CADM3: variants seen among roughly 807,000 people sequenced by gnomAD.
CADM3 encodes the protein TSLC1-like 1.
Under a neutral mutation model 44.9 loss-of-function variants are expected in CADM3, and 11 were observed. The observed-to-expected ratio is 0.25, with a 90% confidence interval of 0.15 to 0.41. CADM3 has a LOEUF of 0.41. Ranked by LOEUF, CADM3 falls within the 10% of genes least tolerant of loss-of-function variation. CADM3 has a pLI of 1.00. For missense variants in CADM3, 426 were observed against 512.0 expected, an observed-to-expected ratio of 0.83 and a Z score of 1.62; for synonymous variants, 207 against 205.2, an observed-to-expected ratio of 1.01 and a Z score of -0.08.
At chr1:159,174,434 GT>G (rs1648943567) in intron 1 of CADM3, among the ~76,000 whole-genome samples, 3 of 152,186 alleles carry the variant, frequency 2.0e-5, no homozygotes, top group Admixed American at 2.0e-4. Context: ...AACTGGTAAT[GT>G]TTGACCAAAA....
rs35070999 is a variant in CADM3, at chr1:159,191,700, T to A, written c.89-236T>A. On this transcript the variant is annotated intron_variant, in intron 1 of 8. Coordinates refer to ENST00000368125, the MANE Select transcript of CADM3 (RefSeq NM_001127173.3). Reference sequence around the variant, plus strand: ...CCCTGTCAGTTCATTCAGGAAACATTTAACAAGTGACTATTTGTTTTTCTG... The same window carrying A: ...CCCTGTCAGTTCATTCAGGAAACATATAACAAGTGACTATTTGTTTTTCTG... Among the ~76,000 whole-genome samples, 544 of 152,332 alleles carry A rather than the reference T, an allele frequency of 3.6e-3. 4 individuals are homozygous for A. The highest frequency in any genetic ancestry group is 0.012 in the African/African-American group (508 of 41,566).
chr1:159,196,785 C>A, intron 6 of CADM3, 106 bp from the exon 7 acceptor site: 1 of 1,143,594 alleles, frequency 8.7e-7, no homozygotes, highest in Non-Finnish European at 1.2e-6. Context: ...ATTTCTCCAG[C>A]CTCATCAAAC....
intron 1 of CADM3, among the ~76,000 whole-genome samples, chr1:159,180,280 A>G (rs887648154): frequency 6.6e-6 from 1 of 152,128 alleles, no homozygotes; most frequent in Non-Finnish European, 1.5e-5. Flanking sequence ...TCAGAAAAAA[A>G]CCCCAGAAAT....
intron 7 of CADM3, among the ~76,000 whole-genome samples, chr1:159,199,081 G>C (rs1244475592): frequency 6.6e-6 from 1 of 152,080 alleles, no homozygotes; most frequent in Non-Finnish European, 1.5e-5. Flanking sequence ...ATAGATTGTG[G>C]CCCCTTACAT....
intron 1 of CADM3, among the ~76,000 whole-genome samples, chr1:159,187,699 G>C (rs1649472897): frequency 6.6e-6 from 1 of 152,140 alleles, no homozygotes; most frequent in East Asian, 1.9e-4. Context: ...TCTTCTCCCT[G>C]TCCCTCTGCC....
intron 3 of CADM3, 54 bp downstream of exon 3, chr1:159,192,784 T>C: frequency 3.2e-6 from 5 of 1,548,662 alleles, no homozygotes; most frequent in Non-Finnish European, 4.4e-6. Flanking sequence ...CAAACAAACC[T>C]CCCTAGATGG....
intron 1 of CADM3, among the ~76,000 whole-genome samples, chr1:159,190,990 T>C (rs1649635970): frequency 6.6e-6 from 1 of 152,126 alleles, no homozygotes; most frequent in African/African-American, 2.4e-5. Context: ...GTTCTGAAGA[T>C]GAGGGAATCA....
At chr1:159,193,706 T>C (rs577018377) in intron 4 of CADM3, 146 bp downstream of exon 4, 3 of 1,400,110 alleles carry the variant, frequency 2.1e-6, no homozygotes, top group Non-Finnish European at 2.0e-6. Context: ...TGCCTATGTG[T>C]GTGTTGGGGC....
intron 1 of CADM3, among the ~76,000 whole-genome samples, chr1:159,180,623 C>G (rs1245169648): frequency 6.6e-6 from 1 of 150,792 alleles, no homozygotes; most frequent in African/African-American, 2.4e-5. Context: ...GACTAAATAG[C>G]AGTTAGGATT....
chr1:159,173,372 A>C (rs913054617), intron 1 of CADM3, among the ~76,000 whole-genome samples: 2 of 152,032 alleles, frequency 1.3e-5, no homozygotes, highest in Non-Finnish European at 2.9e-5. Context: ...CATCGTGATA[A>C]AGGAGCTTCC....
intron 1 of CADM3, among the ~76,000 whole-genome samples, chr1:159,184,127 G>A (rs1649333535): frequency 6.6e-6 from 1 of 152,192 alleles, no homozygotes; most frequent in Non-Finnish European, 1.5e-5. Flanking sequence ...AGCTCCAGGG[G>A]CTGAGTTCTA....
chr1:159,185,919 A>G (rs1411301336), intron 1 of CADM3, among the ~76,000 whole-genome samples: 1 of 152,230 alleles, frequency 6.6e-6, no homozygotes, highest in Non-Finnish European at 1.5e-5. Flanking sequence ...TTGGGAGGAA[A>G]GTCAAACTTG....
chr1:159,196,366 A>G lies in CADM3; in HGVS notation c.694A>G (p.Thr232Ala). ...STSQRIEVLY[T>A]PTAMIRPDPP... is the part of the protein sequence containing the mutation. ...TGATACCATTTCCTTCTCCACAGAC[A>G]CACCAACTGCGATGATTAGGCCAGA... Residue 232 changes from threonine to alanine, a missense_variant and splice_region_variant, in exon 6 of 9, where the codon ACA becomes GCA. Around this residue, in one of 2 missense-constraint regions of CADM3, gnomAD observed 362 missense variants for 474.6 expected, o/e 0.76. Coordinates refer to ENST00000368125, the MANE Select transcript of CADM3 (RefSeq NM_001127173.3). 2 of 1,613,942 alleles carry G rather than the reference A, an allele frequency of 1.2e-6. No homozygotes were observed. The highest frequency in any genetic ancestry group is 1.7e-6 in the Non-Finnish European group (2 of 1,179,862).
At chr1:159,200,015 T>A in intron 8 of CADM3, 139 bp downstream of exon 8, 3 of 1,137,604 alleles carry the variant, frequency 2.6e-6, no homozygotes, top group Non-Finnish European at 2.5e-6. Flanking sequence ...GAATTAAAAA[T>A]GGAGCCAACC....
chr1:159,182,140 C>G (rs1448860974), intron 1 of CADM3, among the ~76,000 whole-genome samples: 1 of 152,040 alleles, frequency 6.6e-6, no homozygotes, highest in Non-Finnish European at 1.5e-5. Context: ...CTCCAAAGGG[C>G]ATGGCAGTGA....
At chr1:159,173,244 G>A (rs1045081009) in intron 1 of CADM3, among the ~76,000 whole-genome samples, 4 of 151,590 alleles carry the variant, frequency 2.6e-5, no homozygotes, top group Non-Finnish European at 5.9e-5. Flanking sequence ...GTGGAGAGGG[G>A]AGGGGTTGAA....
chr1:159,193,859 C>G lies in CADM3; in HGVS notation c.521-11C>G. The G allele has an allele frequency of 6.2e-7, 1 of 1,611,692 alleles. No individual in the cohort carries two copies. The highest frequency in any genetic ancestry group is 8.5e-7 in the Non-Finnish European group (1 of 1,178,610). On this transcript the variant is annotated splice_polypyrimidine_tract_variant and intron_variant, in intron 4 of 8. Coordinates refer to ENST00000368125, the MANE Select transcript of CADM3 (RefSeq NM_001127173.3). ...TGTGTTTGTGTGTGTGCCACTGTTT[C>G]TGCACTCTAGGAGAACCAACCCGCA...
In CADM3 at chr1:159,199,653, C is replaced by T; in HGVS notation, c.953-98C>T. The T allele has an allele frequency of 4.6e-6, 7 of 1,515,032 alleles. No individual in the cohort carries two copies. In the South Asian group the frequency reaches 6.8e-5, roughly 15 times the overall value. The allele number at this position is 1,515,032 out of a possible 1,614,324, so 93.8% of individuals were successfully genotyped here. ...TGCTCCATTTTCCTGATGTTAGTAC[C>T]TGTTCCCTGCTGTGTAAGACTATTC... On this transcript the variant is annotated intron_variant, in intron 7 of 8. Transcript: ENST00000368125.
chr1:159,188,876 G>T (rs1206164954), intron 1 of CADM3, among the ~76,000 whole-genome samples: 3 of 152,164 alleles, frequency 2.0e-5, no homozygotes, highest in African/African-American at 7.2e-5. Flanking sequence ...AAGTTTCTTG[G>T]TTTCCTTAGT....
Sources: allele counts gnomAD v4.1 joint callset (sites outside exome capture counted in the v4.1 genomes callset), GRCh38; gene constraint gnomAD v4.1.1; regional missense constraint gnomAD v4.1.1; transcripts MANE v1.5; gene names NCBI Gene and HGNC (gene_info 2026-07-23, HGNC 2026-07-21).